Variants in SPTB observed in about 807,000 individuals in gnomAD.
SPTB encodes the protein spectrin beta, erythrocytic, also known as spectrin beta chain, erythrocytic.
A neutral mutation model predicts 256.2 loss-of-function variants in SPTB; 45 were observed. The ratio of observed to expected loss-of-function variants is 0.18; its 90% CI spans 0.14 to 0.23. SPTB has a LOEUF of 0.23. Ranked by LOEUF, SPTB falls within the 10% of genes least tolerant of loss-of-function variation. The pLI, the probability that SPTB is intolerant of heterozygous loss-of-function variation, is 1.00. For synonymous variants in SPTB, 1,231 were observed against 1,243.1 expected, an observed-to-expected ratio of 0.99 and a Z score of 0.21; for missense variants, 2,715 against 3,040.4, an observed-to-expected ratio of 0.89 and a Z score of 2.52.
rs1221739657 is a variant in SPTB at position 64,784,282 on chromosome 14, C to G, written c.3967G>C (p.Ala1323Pro). 3 of 1,614,240 alleles carry G rather than the reference C, an allele frequency of 1.9e-6. No homozygotes were observed. The highest frequency in any genetic ancestry group is 2.2e-5 in the East Asian group (1 of 44,880). The change falls in exon 19 of 36, where the codon GCT becomes CCT. Residue 1323 changes from alanine (A) to proline (P), a missense_variant. Around this residue, in one of 4 missense-constraint regions of SPTB, gnomAD observed 2,239 missense variants for 2,384.4 expected, o/e 0.94. Coordinates refer to ENST00000644917, the MANE Select transcript of SPTB (RefSeq NM_001355436.2). ...TTCTCTAGCCACCCTTCATGGGAAG[C>G]CAGCTCTGCCACAAACGCCTGGTGC... ...LKHQAFVAEL[A>P]SHEGWLENID...
At chr14:64,770,791 C>T in intron 27 of SPTB, 94 bp downstream of exon 27, 3 of 1,570,504 alleles carry the variant, frequency 1.9e-6, no homozygotes, top group Non-Finnish European at 2.6e-6. Context: ...CCAGGACTGT[C>T]CCTTCACGGA....
At chr14:64,805,314 C>T (rs550360345) in intron 2 of SPTB, among the ~76,000 whole-genome samples, 2 of 152,280 alleles carry the variant, frequency 1.3e-5, no homozygotes, top group South Asian at 2.1e-4. Flanking sequence ...CGCACTGCCA[C>T]CATATTCTAT....
At position 64,775,001 on chromosome 14, in the gene SPTB, C is replaced by A; in HGVS notation, c.4842+124G>T. 7.1e-7 allele frequency: 1 copy of A among 1,407,892 alleles called. No homozygotes were observed. The highest frequency in any genetic ancestry group is 9.9e-7 in the Non-Finnish European group (1 of 1,006,272). The allele number at this position is 1,407,892 out of a possible 1,614,324, so 87.2% of individuals were successfully genotyped here. A position where few individuals can be genotyped will look rare whatever the true frequency, so the allele number is the denominator to read the frequency against. ...GGGAGGGCAGGGAGTCTGTGGGTTCCTTGTGCCCCTCCCCTGGCCTCACTC... is the reference window on the plus strand; with the variant it reads ...GGGAGGGCAGGGAGTCTGTGGGTTCATTGTGCCCCTCCCCTGGCCTCACTC... On this transcript the variant is annotated intron_variant, in intron 23 of 35. Coordinates refer to ENST00000644917, the MANE Select transcript of SPTB (RefSeq NM_001355436.2). This position sits in a 1 kb window ranked among gnomAD's most constrained non-coding sequence, Gnocchi z 5.0.
intron 1 of SPTB, among the ~76,000 whole-genome samples, chr14:64,862,421 G>C (rs61989891): frequency 0.94 from 142,691 of 152,132 alleles, 67,530 homozygotes; most frequent in Non-Finnish European, 0.98. Context: ...ATTCTAAAAT[G>C]CTTTCAAATA....
Position 64,806,942 on chromosome 14 carries a change from C to T in SPTB, c.149-1852G>A, listed in dbSNP as rs146962732. Among the ~76,000 whole-genome samples the T allele has an allele frequency of 4.1e-3, 627 of 152,304 alleles. 6 individuals are homozygous for T. The highest frequency in any genetic ancestry group is 0.014 in the African/African-American group (583 of 41,538). On this transcript the variant is annotated intron_variant, in intron 2 of 35. Transcript: ENST00000644917. This position sits in a 1 kb window ranked among gnomAD's most constrained non-coding sequence, Gnocchi z 4.1. ...TCTGGGCCTCTGTGCAAAGTTTCAG[C>T]GAGAAAACTCCCCTTACCCTTTTGT...
chr14:64,795,190 T>C lies in SPTB; in HGVS notation c.1644+147A>G. ...CAAGAGGCAGAGAGGCAGGTGCAGC[T>C]AGACACTTTGCTGCCTCAGTTTCTC... On this transcript the variant is annotated intron_variant, in intron 12 of 35. Coordinates refer to ENST00000644917, the MANE Select transcript of SPTB (RefSeq NM_001355436.2). This position sits in a 1 kb window ranked among gnomAD's most constrained non-coding sequence, Gnocchi z 6.5. The C allele has an allele frequency of 1.1e-6, 1 of 934,562 alleles. No homozygotes were observed. The highest frequency in any genetic ancestry group is 2.6e-5 in the East Asian group (1 of 38,004). The allele number at this position is 934,562 out of a possible 1,614,324, so 57.9% of individuals were successfully genotyped here.
chr14:64,849,149 A>C (rs1031388860), intron 1 of SPTB, among the ~76,000 whole-genome samples: 9 of 152,196 alleles, frequency 5.9e-5, no homozygotes, highest in Non-Finnish European at 1.2e-4. Context: ...TTTGCTGCAA[A>C]AATAATAACA....
chr14:64,801,545 G>A (rs2082886252), intron 6 of SPTB, 145 bp from the exon 7 acceptor site: 2 of 809,186 alleles, frequency 2.5e-6, no homozygotes, highest in Non-Finnish European at 4.2e-6. Context: ...CAGAGGAGAG[G>A]GGGCAGGTGT....
intron 12 of SPTB, among the ~76,000 whole-genome samples, chr14:64,794,862 G>C (rs767287000): frequency 1.3e-5 from 2 of 152,300 alleles, no homozygotes; most frequent in South Asian, 4.1e-4. Context: ...CTACTGCATC[G>C]GTCTCAGGGT....
At chr14:64,842,904 T>C (rs755995900) in intron 1 of SPTB, among the ~76,000 whole-genome samples, 1 of 151,926 alleles carries the variant, frequency 6.6e-6, no homozygotes, top group Non-Finnish European at 1.5e-5. Flanking sequence ...CCTGTCTCTA[T>C]AAAAAATAAA....
rs1018104758 is a variant in SPTB at position 64,826,290 on chromosome 14, C to G, written c.-51-3145G>C. ...TGCCTGTCCAAAACCAGATTTAACC[C>G]ATTCTCGGCGTCACCATGTCTCTTT... On this transcript the variant is annotated intron_variant, in intron 1 of 35. Coordinates refer to ENST00000644917, the MANE Select transcript of SPTB (RefSeq NM_001355436.2). This position sits in a 1 kb window ranked among gnomAD's most constrained non-coding sequence, Gnocchi z 4.4. Among the ~76,000 whole-genome samples, 1 of 152,188 alleles carries G rather than the reference C, an allele frequency of 6.6e-6. No individual in the cohort carries two copies. Among genetic ancestry groups the G allele is most frequent in the African/African-American group, 2.4e-5 (1 of 41,448 alleles).
chr14:64,824,976 TC>T lies in SPTB; in HGVS notation c.-51-1832del, dbSNP rs966244457. ...GCAGGAGGAGGCCTCCCCAGGGTCA[TC>T]CGGTGGAATGACTGCGGCTGGGACC... On this transcript the variant is annotated intron_variant, in intron 1 of 35. Coordinates refer to ENST00000644917, the MANE Select transcript of SPTB (RefSeq NM_001355436.2). This position sits in a 1 kb window ranked among gnomAD's most constrained non-coding sequence, Gnocchi z 5.7. Among the ~76,000 whole-genome samples the T allele has an allele frequency of 4.6e-5, 7 of 152,102 alleles. No homozygotes were observed. The highest frequency in any genetic ancestry group is 8.8e-5 in the Non-Finnish European group (6 of 68,006).
chr14:64,837,680 C>A (rs188393556), intron 1 of SPTB, among the ~76,000 whole-genome samples: 2 of 152,318 alleles, frequency 1.3e-5, no homozygotes, highest in African/African-American at 4.8e-5. Context: ...CAGCTCACTG[C>A]AACCTCTGCC....
At chr14:64,770,773 A>G in intron 27 of SPTB, 112 bp downstream of exon 27, 1 of 1,521,042 alleles carries the variant, frequency 6.6e-7, no homozygotes, top group Non-Finnish European at 9.1e-7. Flanking sequence ...TTTTCATGGA[A>G]CGATAGTCCA....
chr14:64,830,917 T>C (rs2083444009), intron 1 of SPTB, among the ~76,000 whole-genome samples: 1 of 152,206 alleles, frequency 6.6e-6, no homozygotes, highest in Admixed American at 6.5e-5. Flanking sequence ...ACCCTGATAT[T>C]TTAGCTACCT....
At chr14:64,868,391 A>T (rs1407880621) in intron 1 of SPTB, among the ~76,000 whole-genome samples, 2 of 150,804 alleles carry the variant, frequency 1.3e-5, no homozygotes, top group African/African-American at 4.9e-5. Context: ...ACCTAGCTAT[A>T]AAAAAAAACA....
At chr14:64,773,162 C>T in intron 25 of SPTB, 58 bp downstream of exon 25, 2 of 1,607,360 alleles carry the variant, frequency 1.2e-6, no homozygotes, top group Non-Finnish European at 8.5e-7. Context: ...TGAGTGACGG[C>T]TGGCTGCGTC....
chr14:64,818,481 T>C lies in SPTB; in HGVS notation c.148+4466A>G, dbSNP rs559754346. Among the ~76,000 whole-genome samples the C allele has an allele frequency of 2.0e-5, 3 of 152,116 alleles. No homozygotes were observed. In the East Asian group the frequency reaches 5.8e-4, roughly 29 times the overall value. Reference sequence around the variant, plus strand: ...CTTCTCTTTTTGGGGCATCTTTCTGTGGGGTTCCTCCACTCCCTGCTCTCC... The same window carrying C: ...CTTCTCTTTTTGGGGCATCTTTCTGCGGGGTTCCTCCACTCCCTGCTCTCC... On this transcript the variant is annotated intron_variant, in intron 2 of 35. Transcript: ENST00000644917.
intron 1 of SPTB, among the ~76,000 whole-genome samples, chr14:64,867,379 C>T (rs1376721583): frequency 6.6e-6 from 1 of 152,206 alleles, no homozygotes; most frequent in African/African-American, 2.4e-5. Context: ...CTGTCTCTTC[C>T]TCAAGGAACT....
Sources: gnomAD v4.1 joint callset for allele counts (sites outside exome capture counted in the v4.1 genomes callset) on GRCh38, gnomAD v4.1.1 for gene constraint, gnomAD v4.1.1 regional missense constraint, Gnocchi (gnomAD v3.1) non-coding constraint, MANE v1.5 for transcripts, NCBI Gene and HGNC (gene_info 2026-07-23, HGNC 2026-07-21) for gene names.